The following SYCP2 variants were observed in gnomAD, a reference collection of about 807,000 sequenced individuals.
SYCP2 encodes synaptonemal complex lateral element protein.
Under a neutral mutation model 211.3 loss-of-function variants are expected in SYCP2, and 55 were observed. The ratio of observed to expected loss-of-function variants is 0.26; its 90% CI spans 0.21 to 0.33. The LOEUF (loss-of-function observed/expected upper bound fraction) is 0.33, where lower values mean the gene tolerates loss of function less well. Ranked by LOEUF, SYCP2 falls within the 10% of genes least tolerant of loss-of-function variation. The pLI, the probability that SYCP2 is intolerant of heterozygous loss-of-function variation, is 1.00. For missense variants in SYCP2, 1,731 were observed against 1,752.0 expected (o/e 0.99, Z 0.21); for synonymous variants, 570 against 555.2 (o/e 1.03, Z -0.37).
intron 2 of SYCP2, among the ~76,000 whole-genome samples, chr20:59,923,385 T>A (rs533252339): frequency 6.6e-6 from 1 of 152,070 alleles, no homozygotes; most frequent in African/African-American, 2.4e-5. Context: ...TGGAACAAAG[T>A]ACTAAGGTTA....
chr20:59,874,279 C>T (rs1408276791), intron 34 of SYCP2, among the ~76,000 whole-genome samples: 2 of 151,822 alleles, frequency 1.3e-5, no homozygotes, highest in African/African-American at 2.4e-5. Context: ...TACTTGTAAC[C>T]ACAAGAACTT....
intron 38 of SYCP2, among the ~76,000 whole-genome samples, chr20:59,868,113 T>G (rs890605498): frequency 1.3e-5 from 2 of 151,786 alleles, no homozygotes; most frequent in Non-Finnish European, 1.5e-5. Context: ...TTTAACTGCT[T>G]TTTAACTAGT....
At chr20:59,865,325 A>C (rs1056923613) in intron 44 of SYCP2, 63 bp downstream of exon 44, 197 of 1,370,910 alleles carry the variant, frequency 1.4e-4, no homozygotes, top group South Asian at 1.1e-3. Flanking sequence ...CACACACACA[A>C]AAAAATCAAA....
chr20:59,903,258 C>T (rs923531445), intron 15 of SYCP2, among the ~76,000 whole-genome samples: 6 of 151,964 alleles, frequency 3.9e-5, no homozygotes, highest in African/African-American at 1.4e-4. Flanking sequence ...TACTGAGATA[C>T]AAGAAAACTT....
At chr20:59,896,872 T>C (rs1240650155) in intron 18 of SYCP2, among the ~76,000 whole-genome samples, 1 of 152,182 alleles carries the variant, frequency 6.6e-6, no homozygotes, top group Admixed American at 6.6e-5. Context: ...CTATTCTATA[T>C]CATGAGGATA....
Position 59,916,591 on chromosome 20 carries a change from T to C in SYCP2, c.428-20A>G. ...TTTTACCTGAATAAAAGTGTTAAAT[T>C]ATTGATAAATGTTCATTTCAAATCC... On this transcript the variant is annotated intron_variant, in intron 7 of 44. Transcript: ENST00000357552. 2.1e-6 allele frequency: 3 copies of C among 1,463,274 alleles called. No homozygotes were observed. Among genetic ancestry groups the C allele is most frequent in the Non-Finnish European group, 2.9e-6 (3 of 1,043,186 alleles). 90.6% of individuals were successfully genotyped at this position (1,463,274 alleles called of 1,614,324 possible). A position where few individuals can be genotyped will look rare whatever the true frequency, so the allele number is the denominator to read the frequency against.
Position 59,875,286 on chromosome 20 carries a change from T to C in SYCP2, c.3334A>G (p.Ile1112Val), listed in dbSNP as rs2145635166. Residue 1112 changes from isoleucine to valine, a missense_variant, in exon 34 of 45, where the codon ATA (isoleucine) becomes GTA (valine). Physicochemically the swap from Ile to Val is conservative, Grantham distance 29. Around this residue, in one of 3 missense-constraint regions of SYCP2, gnomAD observed 1,387 missense variants for 1,351.3 expected, o/e 1.03. Transcript: ENST00000357552. Reference protein sequence around the residue: ...PRSLSGSPSSIEVTRCIEKIT... With the variant: ...PRSLSGSPSSVEVTRCIEKIT... Reference sequence around the variant, plus strand: ...TTATACTGACATCTCGTTACTTCTATAGATGATGGACTGCCAGATAAAGAT... The same window carrying C: ...TTATACTGACATCTCGTTACTTCTACAGATGATGGACTGCCAGATAAAGAT... The C allele has an allele frequency of 1.2e-6, 2 of 1,607,840 alleles. No homozygotes were observed. The highest frequency in any genetic ancestry group is 1.7e-6 in the Non-Finnish European group (2 of 1,176,378).
At chr20:59,884,601 G>A (rs79612353) in intron 26 of SYCP2, among the ~76,000 whole-genome samples, 6,412 of 151,884 alleles carry the variant, frequency 0.042, 177 homozygotes, top group Middle Eastern at 0.082. Flanking sequence ...TTTTAAAAAG[G>A]TTATCTCTCA....
Position 59,865,846 on chromosome 20 carries a change from A to G in SYCP2, c.4340T>C (p.Phe1447Ser). Residue 1447 changes from phenylalanine (F) to serine (S), a missense_variant, in exon 42 of 45, where the codon TTT becomes TCT. Transcript: ENST00000357552. ...TTTTTGATATGCACTGAACTTCTGA[A>G]ATATCTTTTCCCAAAAGTCCTAAAT... Reference protein sequence around the residue: ...KEFVDFWEKIFQKFSAYQKSE... With the variant: ...KEFVDFWEKISQKFSAYQKSE... The G allele has an allele frequency of 7.0e-7, 1 of 1,430,436 alleles. No individual in the cohort carries two copies. The highest frequency in any genetic ancestry group is 9.4e-7 in the Non-Finnish European group (1 of 1,068,622). The allele number at this position is 1,430,436 out of a possible 1,614,324, so 88.6% of individuals were successfully genotyped here.
chr20:59,927,502 A>G (rs2060655405), intron 2 of SYCP2, among the ~76,000 whole-genome samples: 1 of 152,110 alleles, frequency 6.6e-6, no homozygotes, highest in African/African-American at 2.4e-5. Context: ...CCAAAGTAGA[A>G]TCTTCTTCCA....
At chr20:59,919,811 T>C (rs531162651) in intron 5 of SYCP2, among the ~76,000 whole-genome samples, 1 of 151,836 alleles carries the variant, frequency 6.6e-6, no homozygotes, top group South Asian at 2.1e-4. Flanking sequence ...TGAAGTTAAT[T>C]TTGATTCCAT....
intron 21 of SYCP2, 97 bp from the exon 22 acceptor site, chr20:59,893,296 G>A: frequency 1.2e-6 from 1 of 850,132 alleles, no homozygotes; most frequent in Non-Finnish European, 1.8e-6. Context: ...TTCACATATT[G>A]GGATGAACGG....
chr20:59,885,467 G>T (rs6070996), intron 26 of SYCP2, among the ~76,000 whole-genome samples: 1 of 152,076 alleles, frequency 6.6e-6, no homozygotes, highest in Non-Finnish European at 1.5e-5. Context: ...CTTACAGAGG[G>T]TGAACTTCAA....
At chr20:59,886,022 G>T in intron 25 of SYCP2, 58 bp from the exon 26 acceptor site, 1 of 1,272,980 alleles carries the variant, frequency 7.9e-7, no homozygotes, top group Non-Finnish European at 1.1e-6. Flanking sequence ...TATCATAAAA[G>T]TCATTTTAAG....
At chr20:59,925,614 A>C (rs2060620119) in intron 2 of SYCP2, among the ~76,000 whole-genome samples, 1 of 152,066 alleles carries the variant, frequency 6.6e-6, no homozygotes, top group African/African-American at 2.4e-5. Context: ...TTAATGTCAT[A>C]GCCTCTGACC....
rs150362996 is a variant in SYCP2, at chr20:59,886,100, TGATA to T, written c.2493-140_2493-137del. 1,354 of 637,280 alleles carry T rather than the reference TGATA, an allele frequency of 2.1e-3. 17 individuals carry two copies. The African/African-American group carries it at 0.023, about 11-fold the overall frequency. The allele number at this position is 637,280 out of a possible 1,614,324, so 39.5% of individuals were successfully genotyped here. On this transcript the variant is annotated intron_variant, in intron 25 of 44. Transcript: ENST00000357552. ...TAACCAAAATGTAACAGTAATAGTCTGATAGTTTTGCTACTTCACTCACAGTAAA... is the reference window on the plus strand; with the variant it reads ...TAACCAAAATGTAACAGTAATAGTCTGTTTTGCTACTTCACTCACAGTAAA...
chr20:59,900,731 GTC>G lies in SYCP2; in HGVS notation c.1257+11_1257+12del. ...TAGCCCAGTGATAAAAATCAAGTAA[GTC>G]TGAGACATACCTGTGATCCACTTGC... On this transcript the variant is annotated intron_variant, in intron 17 of 44. Transcript: ENST00000357552. The G allele has an allele frequency of 1.2e-6, 2 of 1,608,962 alleles. No individual in the cohort carries two copies. Among genetic ancestry groups the G allele is most frequent in the South Asian group, 1.1e-5 (1 of 90,836 alleles).
rs555651934 is a variant in SYCP2, at chr20:59,932,467, G to A, written c.-139-313C>T. On this transcript the variant is annotated intron_variant, in intron 1 of 44. Transcript: ENST00000357552. ...GAGGCAGGTGGATCACCTGAGGTCA[G>A]GAGTTCGAGACCAGCCGGGCCAACA... is the stretch of plus-strand genomic sequence containing the variant. Among the ~76,000 whole-genome samples, 561 of 152,252 alleles carry A rather than the reference G, an allele frequency of 3.7e-3. 2 individuals are homozygous for A. The highest frequency in any genetic ancestry group is 6.7e-3 in the Non-Finnish European group (454 of 68,006).
chr20:59,921,081 T>C (rs1396990180), intron 4 of SYCP2, among the ~76,000 whole-genome samples: 1 of 151,636 alleles, frequency 6.6e-6, no homozygotes, highest in African/African-American at 2.4e-5. Flanking sequence ...AGTAAAGCCC[T>C]TGTGAACACA....
Sources: allele counts gnomAD v4.1 joint callset (sites outside exome capture counted in the v4.1 genomes callset), GRCh38; gene constraint gnomAD v4.1.1; regional missense constraint gnomAD v4.1.1; transcripts MANE v1.5; gene names NCBI Gene and HGNC (gene_info 2026-07-23, HGNC 2026-07-21).